The following CFAP20DC variants were observed in gnomAD, a reference collection of about 807,000 sequenced individuals.
The protein encoded by CFAP20DC is CFAP20 domain containing.
CFAP20DC carries 84 observed loss-of-function variants against 101.7 expected under a neutral mutation model. The observed-to-expected ratio is 0.83, with a 90% confidence interval of 0.69 to 0.99. The LOEUF (loss-of-function observed/expected upper bound fraction) is 0.99, where lower values mean the gene tolerates loss of function less well. Among genes scored for constraint, CFAP20DC ranks in the 50% least tolerant of loss-of-function variants. The pLI, the probability that CFAP20DC is intolerant of heterozygous loss-of-function variation, is 0.00. For missense variants in CFAP20DC, 1,007 were observed against 970.3 expected (o/e 1.04, Z -0.50); for synonymous variants, 359 against 351.2 (o/e 1.02, Z -0.25).
chr3:59,009,153 A>T (rs2093517754), intron 4 of CFAP20DC, among the ~76,000 whole-genome samples: 1 of 152,142 alleles, frequency 6.6e-6, no homozygotes, highest in African/African-American at 2.4e-5. Context: ...GGAAAAAAGA[A>T]ATTTAAATTT....
intron 4 of CFAP20DC, among the ~76,000 whole-genome samples, chr3:58,944,418 G>A (rs1245218521): frequency 6.6e-6 from 1 of 152,146 alleles, no homozygotes; most frequent in African/African-American, 2.4e-5. Context: ...ACCAGCCCAT[G>A]GATATACAGT....
chr3:58,824,860 C>CA (rs1486546420), intron 14 of CFAP20DC, among the ~76,000 whole-genome samples: 1 of 149,692 alleles, frequency 6.7e-6, no homozygotes, highest in Non-Finnish European at 1.5e-5. Flanking sequence ...GATGGGGTCT[C>CA]ATTGTGTTAC....
intron 15 of CFAP20DC, among the ~76,000 whole-genome samples, chr3:58,789,138 A>G (rs1266721424): frequency 2.6e-5 from 4 of 152,224 alleles, no homozygotes; most frequent in African/African-American, 7.2e-5. Context: ...GCAACTTTAT[A>G]TAACACCTTT....
At chr3:58,979,534 G>C (rs2092429866) in intron 4 of CFAP20DC, among the ~76,000 whole-genome samples, 1 of 152,168 alleles carries the variant, frequency 6.6e-6, no homozygotes, top group African/African-American at 2.4e-5. Context: ...AAAGAAGATG[G>C]CTGTCAGTAT....
intron 6 of CFAP20DC, among the ~76,000 whole-genome samples, chr3:58,891,670 T>C (rs1047473603): frequency 7.2e-5 from 11 of 152,190 alleles, no homozygotes; most frequent in Non-Finnish European, 1.5e-4. Context: ...TTTTTTTTCT[T>C]GTAAATTTCT....
At chr3:58,786,477 T>C (rs2072347244) in intron 15 of CFAP20DC, among the ~76,000 whole-genome samples, 1 of 152,052 alleles carries the variant, frequency 6.6e-6, no homozygotes. Context: ...CAATAAACAA[T>C]TCATAAATTT....
At chr3:58,772,179 T>C (rs2070910250) in intron 15 of CFAP20DC, among the ~76,000 whole-genome samples, 1 of 152,160 alleles carries the variant, frequency 6.6e-6, no homozygotes, top group Non-Finnish European at 1.5e-5. Context: ...TCTTACACTC[T>C]AATAAGGAAT....
intron 4 of CFAP20DC, among the ~76,000 whole-genome samples, chr3:59,003,360 A>G (rs1193868929): frequency 2.0e-5 from 3 of 152,182 alleles, no homozygotes; most frequent in African/African-American, 4.8e-5. Flanking sequence ...CACAGACTTA[A>G]TATCTGGCAA....
chr3:58,734,671 T>C, intron 3 of CFAP20DC: 4 of 432,536 alleles, frequency 9.2e-6, no homozygotes, highest in South Asian at 5.0e-5. Flanking sequence ...AAGTTCCCTC[T>C]AACTTGGTGA....
At chr3:58,835,346 G>T (rs1233022877) in intron 13 of CFAP20DC, among the ~76,000 whole-genome samples, 5 of 152,144 alleles carry the variant, frequency 3.3e-5, no homozygotes, top group African/African-American at 1.2e-4. Flanking sequence ...AGTCTAAGGT[G>T]GCATTTGAGA....
chr3:58,822,337 A>AAACAAAC (rs775040751), intron 14 of CFAP20DC, among the ~76,000 whole-genome samples: 1 of 141,626 alleles, frequency 7.1e-6, no homozygotes, highest in African/African-American at 2.7e-5. Flanking sequence ...ACAAACAAAC[A>AAACAAAC]AAAAAAACCA....
At position 58,974,031 on chromosome 3, in the gene CFAP20DC, A is replaced by G. The variant is rs558587402; in HGVS notation, c.279-36269T>C. The stretch of plus-strand genomic sequence containing the variant: ...GATTCATATGGTATGACGTAGGAGG[A>G]CAGGAGCGGGCTACCTCCCAGGACA... On this transcript the variant is annotated intron_variant, in intron 4 of 16. Transcript: ENST00000482387. 7.0e-4 allele frequency among the ~76,000 whole-genome samples: 106 copies of G among 152,242 alleles called. 1 individual carries two copies. Among genetic ancestry groups the G allele is most frequent in the African/African-American group, 2.3e-3 (94 of 41,546 alleles).
chr3:58,958,261 T>G (rs2108175657), intron 4 of CFAP20DC, among the ~76,000 whole-genome samples: 1 of 152,338 alleles, frequency 6.6e-6, no homozygotes, highest in African/African-American at 2.4e-5. Flanking sequence ...TTTCTGGATA[T>G]TTCATATAAA....
rs2093460598 is a variant in CFAP20DC, at chr3:59,007,306, C to G, written c.278+32251G>C. ...ATAAACTCTTGGGAGCTTTGTGGCT[C>G]TGCCCATCACCTAAGAAACCAGAAT... On this transcript the variant is annotated intron_variant, in intron 4 of 16. Transcript: ENST00000482387. The surrounding 1 kb of genome is among the most constrained non-coding windows in gnomAD (Gnocchi z 4.4). 6.6e-6 allele frequency among the ~76,000 whole-genome samples: 1 copy of G among 152,178 alleles called. No individual in the cohort carries two copies.
At chr3:58,933,215 C>A (rs557202050) in intron 5 of CFAP20DC, among the ~76,000 whole-genome samples, 4 of 151,440 alleles carry the variant, frequency 2.6e-5, no homozygotes, top group Admixed American at 2.0e-4. Flanking sequence ...TCAACAAGAA[C>A]AGCTAACTAT....
At chr3:58,817,088 T>C (rs1323802900) in intron 14 of CFAP20DC, among the ~76,000 whole-genome samples, 4 of 151,930 alleles carry the variant, frequency 2.6e-5, no homozygotes, top group South Asian at 2.1e-4. Flanking sequence ...TCTTGTCTGT[T>C]AGAAGGAAAA....
rs867430261 is a variant in CFAP20DC, at chr3:58,764,729, T to C, written c.2238-10866A>G. Among the ~76,000 whole-genome samples the C allele has an allele frequency of 5.3e-5, 8 of 152,098 alleles. No individual in the cohort carries two copies. In the South Asian group the frequency reaches 1.0e-3, roughly 20 times the overall value. On this transcript the variant is annotated intron_variant, in intron 15 of 16. Coordinates refer to ENST00000482387, the MANE Select transcript of CFAP20DC (RefSeq NM_001394063.1). ...CTCCCTGTAATGAAAAGCCTCCATT[T>C]CCTTGGGTAGATAAACATCCTTTCA...
At chr3:58,855,822 C>A (rs1428886940) in intron 12 of CFAP20DC, among the ~76,000 whole-genome samples, 1 of 114,008 alleles carries the variant, frequency 8.8e-6, no homozygotes, top group Non-Finnish European at 1.6e-5. Flanking sequence ...ACATCACAGT[C>A]TGGGGACTAT....
chr3:59,019,805 G>C (rs962290436), intron 4 of CFAP20DC, among the ~76,000 whole-genome samples: 2 of 152,068 alleles, frequency 1.3e-5, no homozygotes, highest in South Asian at 2.1e-4. Context: ...GTAGTTTGGG[G>C]ATAGCTAAGG....
Sources: gnomAD v4.1 joint callset for allele counts (sites outside exome capture counted in the v4.1 genomes callset) on GRCh38, gnomAD v4.1.1 for gene constraint, Gnocchi (gnomAD v3.1) non-coding constraint, MANE v1.5 for transcripts, NCBI Gene and HGNC (gene_info 2026-07-23, HGNC 2026-07-21) for gene names.